NUBPL: variants seen among roughly 807,000 people sequenced by gnomAD.
NUBPL encodes the protein NUBP iron-sulfur cluster assembly factor, mitochondrial, also known as iron-sulfur cluster transfer protein NUBPL.
Under a neutral mutation model 45.7 loss-of-function variants are expected in NUBPL, and 31 were observed. The observed-to-expected ratio is 0.68, with a 90% confidence interval of 0.51 to 0.92. The LOEUF (loss-of-function observed/expected upper bound fraction) is 0.92. Ranked by LOEUF, NUBPL falls within the 40% of genes least tolerant of loss-of-function variation. The pLI is 0.00. For missense variants in NUBPL, 401 were observed against 398.7 expected (o/e 1.01, Z -0.05); for synonymous variants, 144 against 140.9 (o/e 1.02, Z -0.15).
chr14:31,738,715 C>T (rs535926546), intron 6 of NUBPL, among the ~76,000 whole-genome samples: 147 of 152,216 alleles, frequency 9.7e-4, no homozygotes, highest in African/African-American at 3.4e-3. Flanking sequence ...AAAAATTTCC[C>T]ATATGAAAAA....
intron 2 of NUBPL, among the ~76,000 whole-genome samples, chr14:31,563,877 C>T (rs1011937095): frequency 3.3e-5 from 5 of 152,112 alleles, no homozygotes; most frequent in African/African-American, 1.2e-4. Context: ...AAGTCTTTGC[C>T]CTAGGCTAAG....
chr14:31,620,233 T>G (rs773427289), intron 4 of NUBPL, among the ~76,000 whole-genome samples: 1 of 152,142 alleles, frequency 6.6e-6, no homozygotes, highest in Non-Finnish European at 1.5e-5. Flanking sequence ...AACATACTCC[T>G]GTAGCTCAGA....
intron 4 of NUBPL, among the ~76,000 whole-genome samples, chr14:31,669,666 C>G (rs941101308): frequency 6.6e-6 from 1 of 151,874 alleles, no homozygotes; most frequent in Non-Finnish European, 1.5e-5. Flanking sequence ...TCTTTGTGTC[C>G]CTAAGTTCTT....
intron 4 of NUBPL, among the ~76,000 whole-genome samples, chr14:31,620,494 C>A (rs763498405): frequency 6.6e-6 from 1 of 152,144 alleles, no homozygotes; most frequent in Non-Finnish European, 1.5e-5. Flanking sequence ...GATGTTGATA[C>A]TATTCCTTTC....
intron 4 of NUBPL, among the ~76,000 whole-genome samples, chr14:31,645,951 T>G (rs1473562193): frequency 3.3e-5 from 5 of 152,154 alleles, no homozygotes; most frequent in African/African-American, 1.2e-4. Flanking sequence ...ATCCTGGAGT[T>G]ATCTGTGTAC....
intron 4 of NUBPL, among the ~76,000 whole-genome samples, chr14:31,653,641 G>A (rs191643694): frequency 1.2e-4 from 19 of 152,194 alleles, no homozygotes; most frequent in African/African-American, 3.6e-4. Flanking sequence ...TTGTTCAAAC[G>A]CACATGTTTT....
At chr14:31,602,723 A>G (rs997493505) in intron 4 of NUBPL, among the ~76,000 whole-genome samples, 2 of 152,192 alleles carry the variant, frequency 1.3e-5, no homozygotes, top group Non-Finnish European at 2.9e-5. Context: ...GTGATCAAAA[A>G]TGGTAGATCC....
At chr14:31,809,042 C>T (rs1307878005) in intron 7 of NUBPL, among the ~76,000 whole-genome samples, 1 of 151,730 alleles carries the variant, frequency 6.6e-6, no homozygotes, top group African/African-American at 2.4e-5. Flanking sequence ...AGGATTTTTG[C>T]ATCGATGTTC....
rs1204730760 is a variant in NUBPL, at chr14:31,861,038, A to G, written c.*1858A>G. Reference sequence around the variant, plus strand: ...GTGAGAAACATGAGGGATCCTTGTGATGATGGAAATGTTCTATATCACAGC... The same window carrying G: ...GTGAGAAACATGAGGGATCCTTGTGGTGATGGAAATGTTCTATATCACAGC... On this transcript the variant is annotated 3_prime_UTR_variant, in exon 11 of 11. Transcript: ENST00000281081. 1.3e-5 allele frequency: 2 copies of G among 152,144 alleles called. No individual in the cohort carries two copies. Among genetic ancestry groups the G allele is most frequent in the African/African-American group, 4.8e-5 (2 of 41,424 alleles). 9.4% of individuals were successfully genotyped at this position (152,144 alleles called of 1,614,324 possible). A position where few individuals can be genotyped will look rare whatever the true frequency, so the allele number is the denominator to read the frequency against.
At chr14:31,699,540 T>C (rs1319140566) in intron 6 of NUBPL, among the ~76,000 whole-genome samples, 1 of 152,222 alleles carries the variant, frequency 6.6e-6, no homozygotes, top group Non-Finnish European at 1.5e-5. Context: ...CTGATTCTCT[T>C]GGCTCAGCTT....
chr14:31,730,688 G>C (rs558002955), intron 6 of NUBPL, among the ~76,000 whole-genome samples: 4 of 151,908 alleles, frequency 2.6e-5, no homozygotes, highest in Non-Finnish European at 5.9e-5. Context: ...GGATGGTCTC[G>C]ATCTCCTGAC....
At chr14:31,700,240 G>A (rs2211251) in intron 6 of NUBPL, among the ~76,000 whole-genome samples, 44,933 of 152,144 alleles carry the variant, frequency 0.3, 7,499 homozygotes, top group South Asian at 0.41. Flanking sequence ...GTAAATGTCT[G>A]TATTATCCAG....
chr14:31,838,653 C>T (rs1365329363), intron 8 of NUBPL, among the ~76,000 whole-genome samples: 1 of 152,126 alleles, frequency 6.6e-6, no homozygotes, highest in Non-Finnish European at 1.5e-5. Flanking sequence ...CATGGGCATA[C>T]ATTTTGGTGA....
intron 3 of NUBPL, among the ~76,000 whole-genome samples, chr14:31,567,295 T>C (rs936616776): frequency 3.3e-4 from 51 of 152,338 alleles, no homozygotes; most frequent in African/African-American, 1.2e-3. Flanking sequence ...GCCACAAACA[T>C]GCGTCTAGTT....
chr14:31,761,647 T>G (rs941256338), intron 6 of NUBPL, among the ~76,000 whole-genome samples: 1 of 152,204 alleles, frequency 6.6e-6, no homozygotes, highest in Non-Finnish European at 1.5e-5. Flanking sequence ...CTTTTTTCAC[T>G]TAATAATATA....
chr14:31,665,576 C>A (rs781643598), intron 4 of NUBPL, among the ~76,000 whole-genome samples: 1 of 152,122 alleles, frequency 6.6e-6, no homozygotes, highest in Non-Finnish European at 1.5e-5. Flanking sequence ...CTTGATTGCA[C>A]CATGGTGTGA....
chr14:31,779,413 C>T (rs769510739), intron 6 of NUBPL, among the ~76,000 whole-genome samples: 3 of 152,022 alleles, frequency 2.0e-5, no homozygotes, highest in East Asian at 1.9e-4. Context: ...TGAAGAGAGC[C>T]GTGACAGAGT....
intron 6 of NUBPL, among the ~76,000 whole-genome samples, chr14:31,780,558 CAA>C (rs916162492): frequency 9.9e-5 from 15 of 152,062 alleles, no homozygotes; most frequent in African/African-American, 3.1e-4. Flanking sequence ...GTCTAGAAAA[CAA>C]AACATTTAAG....
At position 31,620,043 on chromosome 14, in the gene NUBPL, C is replaced by G. The variant is rs184045041; in HGVS notation, c.382+20664C>G. Among the ~76,000 whole-genome samples, 247 of 151,946 alleles carry G rather than the reference C, an allele frequency of 1.6e-3. 2 individuals carry two copies. The highest frequency in any genetic ancestry group is 3.0e-3 in the Non-Finnish European group (203 of 67,972). ...TTATTTCATTGAGTTGATCTTCAAT[C>G]TGTGATATCCTTTCTTCTGCTTGAT... On this transcript the variant is annotated intron_variant, in intron 4 of 10. Coordinates refer to ENST00000281081, the MANE Select transcript of NUBPL (RefSeq NM_025152.3).
Sources: gnomAD v4.1 joint callset for allele counts (sites outside exome capture counted in the v4.1 genomes callset) on GRCh38, gnomAD v4.1.1 for gene constraint, MANE v1.5 for transcripts, NCBI Gene and HGNC (gene_info 2026-07-23, HGNC 2026-07-21) for gene names.